SH3GL3: variants seen among roughly 807,000 people sequenced by gnomAD.
SH3GL3 encodes the protein endophilin-A3.
In SH3GL3, 33 loss-of-function variants were observed where a neutral mutation model predicts 47.7. The ratio of observed to expected loss-of-function variants is 0.69; its 90% confidence interval spans 0.52 to 0.92. SH3GL3 has a LOEUF of 0.92. SH3GL3 is among the 40% of genes least tolerant of loss of function. The pLI is 0.00. For synonymous variants in SH3GL3, 155 were observed against 148.8 expected (o/e 1.04, Z -0.30); for missense variants, 363 against 417.8 (o/e 0.87, Z 1.14).
chr15:83,620,577 C>G (rs141259985), downstream of SH3GL3, among the ~76,000 whole-genome samples: 1 of 152,188 alleles, frequency 6.6e-6, no homozygotes, highest in Non-Finnish European at 1.5e-5. Flanking sequence ...TTTCTCTGAA[C>G]GGTAGATCTC....
intron 6 of SH3GL3, among the ~76,000 whole-genome samples, chr15:83,586,477 T>C (rs2059958298): frequency 6.6e-6 from 1 of 152,206 alleles, no homozygotes; most frequent in Non-Finnish European, 1.5e-5. Flanking sequence ...AGGGAAATCT[T>C]TGCCCCAGTT....
At chr15:83,492,279 CAAAAAAAAAAA>C (rs11300008) in intron 1 of SH3GL3, among the ~76,000 whole-genome samples, 1 of 51,490 alleles carries the variant, frequency 1.9e-5, no homozygotes, top group African/African-American at 8.6e-5. Context: ...GACTCCCTCT[CAAAAAAAAAAA>C]AAAAAAAAAA....
At chr15:83,510,708 G>C (rs1006722931) in intron 1 of SH3GL3, among the ~76,000 whole-genome samples, 2 of 152,058 alleles carry the variant, frequency 1.3e-5, no homozygotes, top group Admixed American at 6.6e-5. Context: ...GTGTATTTAT[G>C]TGTCAATATA....
chr15:83,609,091 C>T (rs550115944), intron 8 of SH3GL3, among the ~76,000 whole-genome samples: 109 of 152,276 alleles, frequency 7.2e-4, no homozygotes, highest in African/African-American at 2.6e-3. Context: ...CAGTTCATAC[C>T]TTTGGGTCTC....
chr15:83,460,763 A>G (rs6602977), intron 1 of SH3GL3, among the ~76,000 whole-genome samples: 138,605 of 152,194 alleles, frequency 0.91, 63,390 homozygotes, highest in African/African-American at 0.97. Context: ...ATGATGCTGT[A>G]AATCATGATT....
In SH3GL3 at chr15:83,618,351, A is replaced by G; in HGVS notation, c.*64A>G. 3.9e-6 allele frequency: 4 copies of G among 1,026,642 alleles called. No homozygotes were observed. Among genetic ancestry groups the G allele is most frequent in the Non-Finnish European group, 6.2e-6 (4 of 647,610 alleles). The allele number at this position is 1,026,642 out of a possible 1,614,324, so 63.6% of individuals were successfully genotyped here. On this transcript the variant is annotated 3_prime_UTR_variant, in exon 9 of 9. Coordinates refer to ENST00000427482, the MANE Select transcript of SH3GL3 (RefSeq NM_003027.5). Reference sequence around the variant, plus strand: ...AATGAATTCACACCAGTGTGCTCTCAGTGCGGTGTTCTGTGACATCCTTTG... The same window carrying G: ...AATGAATTCACACCAGTGTGCTCTCGGTGCGGTGTTCTGTGACATCCTTTG...
intron 1 of SH3GL3, among the ~76,000 whole-genome samples, chr15:83,460,943 C>T (rs561383242): frequency 9.2e-5 from 14 of 152,082 alleles, no homozygotes; most frequent in South Asian, 6.2e-4. Context: ...ATTAGCTGGG[C>T]GTGGTGGCGG....
At chr15:83,568,717 G>C in intron 4 of SH3GL3, 45 bp downstream of exon 4, 1 of 1,527,934 alleles carries the variant, frequency 6.5e-7, no homozygotes, top group Non-Finnish European at 9.1e-7. Flanking sequence ...AACTCCTCCA[G>C]TATGGTTTTA....
intron 1 of SH3GL3, among the ~76,000 whole-genome samples, chr15:83,513,215 C>T (rs756938102): frequency 2.0e-5 from 3 of 152,144 alleles, no homozygotes; most frequent in Non-Finnish European, 4.4e-5. Context: ...GTTTTTTAAT[C>T]GAGCTAGAAC....
intron 3 of SH3GL3, among the ~76,000 whole-genome samples, chr15:83,566,050 A>G (rs1186948606): frequency 2.0e-5 from 3 of 152,176 alleles, no homozygotes; most frequent in African/African-American, 7.2e-5. Context: ...TCAGCCACAC[A>G]AATTTCTTTT....
chr15:83,476,025 G>A (rs1372680868), intron 1 of SH3GL3, among the ~76,000 whole-genome samples: 1 of 152,158 alleles, frequency 6.6e-6, no homozygotes, highest in Non-Finnish European at 1.5e-5. Context: ...TGCAGATGTG[G>A]TGGATGCTAT....
chr15:83,459,642 C>T (rs561917345), intron 1 of SH3GL3, among the ~76,000 whole-genome samples: 1 of 152,326 alleles, frequency 6.6e-6, no homozygotes, highest in South Asian at 2.1e-4. Context: ...TTTCAACCTT[C>T]TTCTGAACTA....
rs1297020809 is a variant in SH3GL3, at chr15:83,447,494, G to C, written c.-40G>C. ...CGCGTCGCGGCCGCGTGGCCCAGCC[G>C]AGCCTTGAGACCACCCCGCCCCTGC... On this transcript the variant is annotated 5_prime_UTR_variant, in exon 1 of 9. Coordinates refer to ENST00000427482, the MANE Select transcript of SH3GL3 (RefSeq NM_003027.5). This position sits in a 1 kb window ranked among gnomAD's most constrained non-coding sequence, Gnocchi z 5.1. 6 of 1,476,566 alleles carry C rather than the reference G, an allele frequency of 4.1e-6. No homozygotes were observed. Among genetic ancestry groups the C allele is most frequent in the Admixed American group, 2.4e-5 (1 of 41,790 alleles). 91.5% of individuals were successfully genotyped at this position (1,476,566 alleles called of 1,614,324 possible). A position where few individuals can be genotyped will look rare whatever the true frequency, so the allele number is the denominator to read the frequency against.
chr15:83,461,224 C>T (rs753346574), intron 1 of SH3GL3, among the ~76,000 whole-genome samples: 7 of 152,118 alleles, frequency 4.6e-5, no homozygotes, highest in Non-Finnish European at 1.0e-4. Context: ...CTCATAAAGT[C>T]ATCTGCAGTC....
At chr15:83,612,590 G>A (rs544047469) in intron 8 of SH3GL3, among the ~76,000 whole-genome samples, 3 of 152,332 alleles carry the variant, frequency 2.0e-5, no homozygotes, top group South Asian at 2.1e-4. Flanking sequence ...TTAGTCCAGA[G>A]AACTTTGACA....
chr15:83,497,537 C>T (rs534512997), intron 1 of SH3GL3, among the ~76,000 whole-genome samples: 4 of 152,300 alleles, frequency 2.6e-5, no homozygotes, highest in African/African-American at 9.6e-5. Context: ...CACATTCATC[C>T]TCCTTTGTTC....
At chr15:83,629,418 T>C in the SH3GL3 span, among the ~76,000 whole-genome samples, 1 of 152,244 alleles carries the variant, frequency 6.6e-6, no homozygotes, top group Non-Finnish European at 1.5e-5. Context: ...GGTCAATTTA[T>C]TTCCAACAAA....
At chr15:83,550,327 T>C (rs1293133702) in intron 1 of SH3GL3, among the ~76,000 whole-genome samples, 2 of 152,184 alleles carry the variant, frequency 1.3e-5, no homozygotes, top group East Asian at 3.8e-4. Context: ...CCAGTAATTG[T>C]AGGAAATGCC....
chr15:83,605,524 A>G (rs1334368176), intron 8 of SH3GL3, among the ~76,000 whole-genome samples: 2 of 144,080 alleles, frequency 1.4e-5, no homozygotes, highest in Non-Finnish European at 2.9e-5. Flanking sequence ...AATTCCAAGA[A>G]CATTTTCTTC....
Sources: gnomAD v4.1 joint callset for allele counts (sites outside exome capture counted in the v4.1 genomes callset) on GRCh38, gnomAD v4.1.1 for gene constraint, Gnocchi (gnomAD v3.1) non-coding constraint, MANE v1.5 for transcripts, NCBI Gene and HGNC (gene_info 2026-07-23, HGNC 2026-07-21) for gene names.